The following ZNF503 variants were observed in gnomAD, a reference collection of about 807,000 sequenced individuals.
The protein encoded by ZNF503 is zinc finger protein 503.
ZNF503 carries 15 observed loss-of-function variants against 34.4 expected under a neutral mutation model. The observed-to-expected ratio is 0.44, with a 90% CI of 0.29 to 0.67. The LOEUF (loss-of-function observed/expected upper bound fraction) is 0.67. ZNF503 is among the 30% of genes least tolerant of loss of function. ZNF503 has a pLI of 0.13. For synonymous variants in ZNF503, 580 were observed against 456.8 expected (o/e 1.27, Z -3.44); for missense variants, 1,007 against 926.8 (o/e 1.09, Z -1.12).
At chr10:75,380,711 C>G in the ZNF503 span, among the ~76,000 whole-genome samples, 70,467 of 152,044 alleles carry the variant, frequency 0.46, 18,437 homozygotes, top group Non-Finnish European at 0.58. Flanking sequence ...TGTCAAAGAG[C>G]AAAGGTGGCT....
chr10:75,329,970 G>A, the ZNF503 span, among the ~76,000 whole-genome samples: 2 of 152,146 alleles, frequency 1.3e-5, no homozygotes, highest in Non-Finnish European at 1.5e-5. Flanking sequence ...TTCCCTGTTC[G>A]GTATGATGTT....
the ZNF503 span, among the ~76,000 whole-genome samples, chr10:75,310,400 A>G: frequency 2.6e-5 from 4 of 152,218 alleles, no homozygotes; most frequent in Non-Finnish European, 5.9e-5. Flanking sequence ...ACAAAACAAA[A>G]TAAAACCTCA....
In ZNF503 at chr10:75,398,482, C is replaced by A. The variant is rs1064659; in HGVS notation, c.*267G>T. Reference sequence around the variant, plus strand: ...ATGAACACTTTCTCAATTATTTTTTCCTTTTTTTTTCTATAAAAAGTCAAA... The same window carrying A: ...ATGAACACTTTCTCAATTATTTTTTACTTTTTTTTTCTATAAAAAGTCAAA... On this transcript the variant is annotated 3_prime_UTR_variant, in exon 2 of 2. Coordinates refer to ENST00000372524, the MANE Select transcript of ZNF503 (RefSeq NM_032772.6). 2 of 363,630 alleles carry A rather than the reference C, an allele frequency of 5.5e-6. No individual in the cohort carries two copies. Among genetic ancestry groups the A allele is most frequent in the African/African-American group, 2.1e-5 (1 of 47,804 alleles). The allele number at this position is 363,630 out of a possible 1,614,324, so 22.5% of individuals were successfully genotyped here.
Position 75,400,257 on chromosome 10 carries a change from C to T in ZNF503, c.433G>A (p.Gly145Ser). 1 of 1,612,904 alleles carries T rather than the reference C, an allele frequency of 6.2e-7. No individual in the cohort carries two copies. Among genetic ancestry groups the T allele is most frequent in the Non-Finnish European group, 8.5e-7 (1 of 1,179,712 alleles). The change falls in exon 2 of 2, where the codon GGC becomes AGC. Residue 145 changes from glycine to serine, a missense_variant. By Grantham distance (56) the Gly-to-Ser change is moderately conservative. Coordinates refer to ENST00000372524, the MANE Select transcript of ZNF503 (RefSeq NM_032772.6). Reference protein sequence around the residue: ...SSVASNGGGAGGAGGGAAGDK... With the variant: ...SSVASNGGGASGAGGGAAGDK... Reference sequence around the variant, plus strand: ...CCCGCAGCACCGCCGCCGGCACCGCCCGCGCCGCCCCCGTTGGAGGCAACC... The same window carrying T: ...CCCGCAGCACCGCCGCCGGCACCGCTCGCGCCGCCCCCGTTGGAGGCAACC...
chr10:75,286,168 A>C, the ZNF503 span, among the ~76,000 whole-genome samples: 1 of 152,048 alleles, frequency 6.6e-6, no homozygotes, highest in African/African-American at 2.4e-5. Context: ...CTGTAGTCCC[A>C]GCTACTCAGG....
At chr10:75,323,499 C>G in the ZNF503 span, among the ~76,000 whole-genome samples, 1 of 152,132 alleles carries the variant, frequency 6.6e-6, no homozygotes, top group African/African-American at 2.4e-5. Flanking sequence ...TTTCCACCAG[C>G]AATATTTGAG....
At chr10:75,393,423 G>C (rs776459789), downstream of ZNF503, among the ~76,000 whole-genome samples, 8 of 152,224 alleles carry the variant, frequency 5.3e-5, no homozygotes, top group Admixed American at 1.3e-4. Context: ...GTGAAATGGT[G>C]TCTTTATTAT....
At chr10:75,400,460 C>T (rs1843782875) in intron 1 of ZNF503, 86 bp from the exon 2 acceptor site, 1 of 1,467,168 alleles carries the variant, frequency 6.8e-7, no homozygotes, top group Admixed American at 2.6e-5. Flanking sequence ...GGTTCAAATG[C>T]CTCTCCGCAA....
At chr10:75,381,059 G>A in the ZNF503 span, among the ~76,000 whole-genome samples, 1 of 152,186 alleles carries the variant, frequency 6.6e-6, no homozygotes, top group Non-Finnish European at 1.5e-5. Context: ...TCTTTTTCCT[G>A]TAATGAAACC....
At chr10:75,370,407 T>C in the ZNF503 span, among the ~76,000 whole-genome samples, 840 of 152,302 alleles carry the variant, frequency 5.5e-3, 1 homozygote, top group Admixed American at 0.012. Context: ...ATCTTCACAT[T>C]AACATTCTGG....
At chr10:75,357,119 T>C in the ZNF503 span, among the ~76,000 whole-genome samples, 1 of 149,998 alleles carries the variant, frequency 6.7e-6, no homozygotes, top group South Asian at 2.1e-4. Context: ...TCTAACCCCT[T>C]TTTTTTTTAA....
At chr10:75,342,792 G>A in the ZNF503 span, among the ~76,000 whole-genome samples, 2 of 152,090 alleles carry the variant, frequency 1.3e-5, no homozygotes, top group Admixed American at 1.3e-4. Flanking sequence ...AACCCTTGCT[G>A]GGACTTCTGC....
chr10:75,289,118 C>A, the ZNF503 span, among the ~76,000 whole-genome samples: 2 of 152,172 alleles, frequency 1.3e-5, no homozygotes, highest in Non-Finnish European at 2.9e-5. Flanking sequence ...ATACTTCTTG[C>A]TACTTGGGGG....
chr10:75,380,086 C>T, the ZNF503 span, among the ~76,000 whole-genome samples: 1 of 152,116 alleles, frequency 6.6e-6, no homozygotes, highest in Non-Finnish European at 1.5e-5. Flanking sequence ...AAACCTGTGC[C>T]CAGACTGACC....
the ZNF503 span, among the ~76,000 whole-genome samples, chr10:75,348,074 GT>G: frequency 2.0e-5 from 3 of 151,188 alleles, no homozygotes; most frequent in Admixed American, 2.0e-4. Context: ...TCTTTTTTTT[GT>G]TTTTTTTGAG....
chr10:75,284,722 C>A, the ZNF503 span, among the ~76,000 whole-genome samples: 1 of 152,196 alleles, frequency 6.6e-6, no homozygotes, highest in African/African-American at 2.4e-5. Context: ...GGATTATAGT[C>A]TGCCCAGCGA....
downstream of ZNF503, among the ~76,000 whole-genome samples, chr10:75,396,487 T>C (rs571271470): frequency 6.6e-6 from 1 of 152,052 alleles, no homozygotes; most frequent in South Asian, 2.1e-4. The surrounding 1 kb of genome is among the most constrained non-coding windows in gnomAD (Gnocchi z 4.4). Context: ...GCCGTGAGGC[T>C]GGCGCTGGGA....
the ZNF503 span, among the ~76,000 whole-genome samples, chr10:75,293,537 C>G: frequency 1.3e-5 from 2 of 152,094 alleles, no homozygotes; most frequent in African/African-American, 4.8e-5. Flanking sequence ...AGCTTTTCCT[C>G]AGAGCATAAG....
At chr10:75,373,130 C>T in the ZNF503 span, among the ~76,000 whole-genome samples, 1 of 152,250 alleles carries the variant, frequency 6.6e-6, no homozygotes, top group Non-Finnish European at 1.5e-5. Context: ...CCATCTTCCG[C>T]GACTGTCACC....
Sources: gnomAD v4.1 joint callset for allele counts (sites outside exome capture counted in the v4.1 genomes callset) on GRCh38, gnomAD v4.1.1 for gene constraint, Gnocchi (gnomAD v3.1) non-coding constraint, MANE v1.5 for transcripts, NCBI Gene and HGNC (gene_info 2026-07-23, HGNC 2026-07-21) for gene names.